Variants in CGN observed in about 807,000 individuals in gnomAD.
CGN encodes the protein cingulin.
Under a neutral mutation model 157.1 loss-of-function variants are expected in CGN, and 121 were observed. That is an observed-to-expected ratio of 0.77 (90% CI 0.66 to 0.90). The LOEUF (loss-of-function observed/expected upper bound fraction) is 0.90. CGN is among the 40% of genes least tolerant of loss of function. The pLI is 0.00. For synonymous variants in CGN, 535 were observed against 607.5 expected (o/e 0.88, Z 1.76); for missense variants, 1,424 against 1,520.9 (o/e 0.94, Z 1.06).
Position 151,525,669 on chromosome 1 carries a change from C to A in CGN, c.1642C>A (p.Gln548Lys), listed in dbSNP as rs140888621. 9 of 1,607,852 alleles carry A rather than the reference C, an allele frequency of 5.6e-6. No individual in the cohort carries two copies. The highest frequency in any genetic ancestry group is 7.6e-6 in the Non-Finnish European group (9 of 1,177,004). Residue 548 changes from glutamine (Q) to lysine (K), a missense_variant, in exon 9 of 21, where the codon CAG becomes AAG. This residue lies in a region of CGN where 1,187 missense variants were observed against 1,217.6 expected (regional missense o/e 0.97). Coordinates refer to ENST00000271636, the MANE Select transcript of CGN (RefSeq NM_020770.3). The part of the protein sequence containing the change: ...QDHAVLEAER[Q>K]KMSALVRGLQ... ...CCATGCAGTGCTGGAGGCCGAGAGG[C>A]AGAAGATGTCAGCCCTTGTGCGAGG...
rs552423303 is a variant in CGN at position 151,522,642 on chromosome 1, A to C, written c.1141-792A>C. The stretch of plus-strand genomic sequence containing the variant: ...CTCCATCTCAAAAAACAAACAAACA[A>C]AAAAAACAAAAAACCAGGCCGGGCG... On this transcript the variant is annotated intron_variant, in intron 5 of 20. Coordinates refer to ENST00000271636, the MANE Select transcript of CGN (RefSeq NM_020770.3). 1.9e-3 allele frequency among the ~76,000 whole-genome samples: 264 copies of C among 141,922 alleles called. 12 individuals are homozygous for C. The South Asian group carries it at 0.051, about 27-fold the overall frequency. 93.1% of individuals were successfully genotyped at this position (141,922 alleles called of 152,430 possible).
At position 151,520,214 on chromosome 1, in the gene CGN, C is replaced by A; in HGVS notation, c.922C>A (p.Pro308Thr). The change falls in exon 3 of 21, where the codon CCA becomes ACA. Residue 308 changes from proline to threonine, a missense_variant. This residue lies in a region of CGN where 1,187 missense variants were observed against 1,217.6 expected (regional missense o/e 0.97). Transcript: ENST00000271636. ...LLRDQQEAAP[P>T]GSVDHMKATI... ...TCGAGACCAGCAGGAGGCAGCCCCA[C>A]CAGGCAGTGTGGACCATATGAAGGC... 2 of 1,613,990 alleles carry A rather than the reference C, an allele frequency of 1.2e-6. No individual in the cohort carries two copies. The highest frequency in any genetic ancestry group is 1.7e-6 in the Non-Finnish European group (2 of 1,179,996).
chr1:151,530,216 C>T, intron 12 of CGN, 101 bp downstream of exon 12: 1 of 1,302,708 alleles, frequency 7.7e-7, no homozygotes, highest in Non-Finnish European at 1.1e-6. Context: ...TAGTGTGCAT[C>T]TGTTTTGCCT....
At chr1:151,527,472 G>T (rs1047151147) in intron 10 of CGN, among the ~76,000 whole-genome samples, 4 of 152,192 alleles carry the variant, frequency 2.6e-5, no homozygotes, top group African/African-American at 9.6e-5. Flanking sequence ...TTTCAGAGGG[G>T]TCTCTAACTA....
Position 151,524,656 on chromosome 1 carries a change from T to C in CGN, c.1402-18T>C. 1 of 1,589,836 alleles carries C rather than the reference T, an allele frequency of 6.3e-7. No individual in the cohort carries two copies. Among genetic ancestry groups the C allele is most frequent in the Non-Finnish European group, 8.6e-7 (1 of 1,168,392 alleles). ...TCTAATATGGTCACCCCTGTACTTC[T>C]TCCTTTATTTTCTCCAGGACCTGTT... On this transcript the variant is annotated intron_variant, in intron 7 of 20. Transcript: ENST00000271636. This position sits in a 1 kb window ranked among gnomAD's most constrained non-coding sequence, Gnocchi z 4.4.
In CGN at chr1:151,537,325, C is replaced by G; in HGVS notation, c.3591C>G (p.Asn1197Lys). The change falls in exon 21 of 21, where the codon AAC (asparagine) becomes AAG (lysine). Residue 1197 changes from asparagine to lysine, a missense_variant. Asn to Lys is a moderately conservative substitution (Grantham distance 94). This residue lies in a region of CGN where 38 missense variants were observed against 31.1 expected (regional missense o/e 1.22). Transcript: ENST00000271636. ...TTGCATCACTGCTTACGGAGAGCAA[C>G]CTACAGACCAGCTCCTGTTAGCTCG... ...SSIASLLTES[N>K]LQTSSC The G allele has an allele frequency of 6.2e-7, 1 of 1,613,824 alleles. No homozygotes were observed.
In CGN at chr1:151,523,575, G is replaced by A. The variant is rs757141889; in HGVS notation, c.1268+14G>A. On this transcript the variant is annotated intron_variant, in intron 6 of 20. Transcript: ENST00000271636. Reference sequence around the variant, plus strand: ...GAGCAACAAGGAGTGAGTGCAGCTGGTGGCGCACCTCGGGCTGCTTGGGGG... The same window carrying A: ...GAGCAACAAGGAGTGAGTGCAGCTGATGGCGCACCTCGGGCTGCTTGGGGG... The A allele has an allele frequency of 3.1e-6, 5 of 1,595,794 alleles. No individual in the cohort carries two copies. In the Admixed American group the frequency reaches 8.8e-5, roughly 28 times the overall value.
Position 151,524,411 on chromosome 1 carries a change from C to T in CGN, c.1401+53C>T. On this transcript the variant is annotated intron_variant, in intron 7 of 20. Coordinates refer to ENST00000271636, the MANE Select transcript of CGN (RefSeq NM_020770.3). This position sits in a 1 kb window ranked among gnomAD's most constrained non-coding sequence, Gnocchi z 4.4. ...CTCTGCTTTTTCTCAGTTGGAGCAT[C>T]CTCAAGTCTGCTCATCCATGGTTTC... 1 of 1,603,250 alleles carries T rather than the reference C, an allele frequency of 6.2e-7. No individual in the cohort carries two copies. The highest frequency in any genetic ancestry group is 8.5e-7 in the Non-Finnish European group (1 of 1,174,764).
At chr1:151,523,402 T>G in intron 5 of CGN, 32 bp from the exon 6 acceptor site, 6 of 1,577,358 alleles carry the variant, frequency 3.8e-6, no homozygotes, top group Non-Finnish European at 5.2e-6. Context: ...TTCCCTACCC[T>G]CTACCTGCTG....
At chr1:151,527,958 T>A (rs867525006) in intron 10 of CGN, 26 of 150,574 alleles carry the variant, frequency 1.7e-4, no homozygotes, top group African/African-American at 5.3e-4. Flanking sequence ...ATATTTTTTT[T>A]TTTTTTTTTT....
At position 151,524,860 on chromosome 1, in the gene CGN, C is replaced by T. The variant is rs200974831; in HGVS notation, c.1588C>T (p.Arg530Cys). 4.5e-5 allele frequency: 73 copies of T among 1,611,676 alleles called. No homozygotes were observed. In the Admixed American group the frequency reaches 8.0e-4, roughly 18 times the overall value. Residue 530 changes from arginine (R) to cysteine (C), a missense_variant, in exon 8 of 21, where the codon CGC becomes TGC. By Grantham distance (180) the Arg-to-Cys change is radical. Around this residue, in one of 3 missense-constraint regions of CGN, gnomAD observed 1,187 missense variants for 1,217.6 expected, o/e 0.97. Coordinates refer to ENST00000271636, the MANE Select transcript of CGN (RefSeq NM_020770.3). The surrounding 1 kb of genome is among the most constrained non-coding windows in gnomAD (Gnocchi z 4.4). ...GTACCAGCGAGACACAGAGCAGCTCCGCAGGAGCATGCAAGATGCAACCCA... is the reference window on the plus strand; with the variant it reads ...GTACCAGCGAGACACAGAGCAGCTCTGCAGGAGCATGCAAGATGCAACCCA... Reference protein sequence around the residue: ...QQYQRDTEQLRRSMQDATQDH... With the variant: ...QQYQRDTEQLCRSMQDATQDH...
chr1:151,529,047 A>G (rs1395844660), intron 10 of CGN, among the ~76,000 whole-genome samples: 2 of 152,136 alleles, frequency 1.3e-5, no homozygotes. Flanking sequence ...CCAGTCATCA[A>G]TTCGTGGACA....
chr1:151,514,131 C>T (rs1175803753), intron 1 of CGN, among the ~76,000 whole-genome samples: 1 of 152,222 alleles, frequency 6.6e-6, no homozygotes, highest in Non-Finnish European at 1.5e-5. Flanking sequence ...CTGACCCACC[C>T]CAAAGATCCC....
chr1:151,530,574 C>T lies in CGN; in HGVS notation c.2399C>T (p.Ala800Val). Reference protein sequence around the residue: ...SLAAAKRALEARLEEAQRGLA... With the variant: ...SLAAAKRALEVRLEEAQRGLA... The stretch of plus-strand genomic sequence containing the variant: ...GCAGCAGCCAAGCGGGCACTGGAGG[C>T]ACGCCTAGAGGAGGCTCAGCGGGGG... The change falls in exon 13 of 21, where the codon GCA (alanine) becomes GTA (valine). Residue 800 changes from alanine to valine, a missense_variant. Physicochemically the swap from Ala to Val is moderately conservative, Grantham distance 64. This residue lies in a region of CGN where 1,187 missense variants were observed against 1,217.6 expected (regional missense o/e 0.97). Transcript: ENST00000271636. 6.2e-7 allele frequency: 1 copy of T among 1,609,672 alleles called. No homozygotes were observed. The highest frequency in any genetic ancestry group is 8.5e-7 in the Non-Finnish European group (1 of 1,178,152).
chr1:151,517,050 C>T (rs1322771259), intron 1 of CGN, among the ~76,000 whole-genome samples: 1 of 151,528 alleles, frequency 6.6e-6, no homozygotes, highest in Non-Finnish European at 1.5e-5. Context: ...CCCAGCTACT[C>T]GGGAGGCTGA....
In CGN at chr1:151,530,408, C is replaced by T. The variant is rs1474103258; in HGVS notation, c.2314-81C>T. 1.0e-5 allele frequency: 15 copies of T among 1,470,632 alleles called. No individual in the cohort carries two copies. In the Admixed American group the frequency reaches 2.7e-4, roughly 27 times the overall value. 91.1% of individuals were successfully genotyped at this position (1,470,632 alleles called of 1,614,324 possible). A position where few individuals can be genotyped will look rare whatever the true frequency, so the allele number is the denominator to read the frequency against. On this transcript the variant is annotated intron_variant, in intron 12 of 20. Coordinates refer to ENST00000271636, the MANE Select transcript of CGN (RefSeq NM_020770.3). Reference sequence around the variant, plus strand: ...TCATTTTCATAAATACCTCCTTTCTCCTGCCCAGCTACCCACCTCCAAATG... The same window carrying T: ...TCATTTTCATAAATACCTCCTTTCTTCTGCCCAGCTACCCACCTCCAAATG...
Position 151,535,124 on chromosome 1 carries a change from G to A in CGN, c.2987G>A (p.Arg996Gln), listed in dbSNP as rs768756416. ...ELLTDRVNRG[R>Q]DQVDQLRTEL... ...CTAACAGATCGGGTGAATCGTGGCC[G>A]GGACCAGGTAACCGCCCCCACCCCT... Residue 996 changes from arginine (R) to glutamine (Q), a missense_variant, in exon 16 of 21, where the codon CGG becomes CAG. Physicochemically the swap from Arg to Gln is conservative, Grantham distance 43 (BLOSUM62 1). Around this residue, in one of 3 missense-constraint regions of CGN, gnomAD observed 199 missense variants for 272.2 expected, o/e 0.73. Coordinates refer to ENST00000271636, the MANE Select transcript of CGN (RefSeq NM_020770.3). 12 of 1,613,126 alleles carry A rather than the reference G, an allele frequency of 7.4e-6. No individual in the cohort carries two copies. Among genetic ancestry groups the A allele is most frequent in the Admixed American group, 3.3e-5 (2 of 59,968 alleles).
At chr1:151,525,844 C>CT (rs928840759) in intron 9 of CGN, 54 bp downstream of exon 9, 36 of 1,246,164 alleles carry the variant, frequency 2.9e-5, no homozygotes, top group Admixed American at 5.8e-5. Context: ...CACTTCCTTT[C>CT]TTTTTTTTAA....
chr1:151,527,973 T>TTTTTTTTA (rs1664731100), intron 10 of CGN: 2 of 152,386 alleles, frequency 1.3e-5, no homozygotes, highest in Non-Finnish European at 1.3e-5. Context: ...TTTTTTTTTT[T>TTTTTTTTA]GAGACGGAGT....
Sources: gnomAD v4.1 joint callset for allele counts (sites outside exome capture counted in the v4.1 genomes callset) on GRCh38, gnomAD v4.1.1 for gene constraint, gnomAD v4.1.1 regional missense constraint, Gnocchi (gnomAD v3.1) non-coding constraint, MANE v1.5 for transcripts, NCBI Gene and HGNC (gene_info 2026-07-23, HGNC 2026-07-21) for gene names.